ADAM32: variants seen among roughly 807,000 people sequenced by gnomAD.
ADAM32 encodes disintegrin and metalloproteinase domain-containing protein 32.
In ADAM32, 89 loss-of-function variants were observed where a neutral mutation model predicts 114.9. That is an observed-to-expected ratio of 0.77 (90% CI 0.65 to 0.92). The LOEUF is 0.92. Ranked by LOEUF, ADAM32 falls within the 40% of genes least tolerant of loss-of-function variation. ADAM32 has a pLI of 0.00. For missense variants in ADAM32, 870 were observed against 932.8 expected (o/e 0.93, Z 0.88); for synonymous variants, 285 against 307.5 (o/e 0.93, Z 0.77).
At chr8:39,271,995 G>C (rs191436333) in intron 20 of ADAM32, among the ~76,000 whole-genome samples, 1 of 150,650 alleles carries the variant, frequency 6.6e-6, no homozygotes, top group African/African-American at 2.4e-5. Flanking sequence ...AGCCAGGCAT[G>C]GTGGCATGAG....
intron 16 of ADAM32, among the ~76,000 whole-genome samples, chr8:39,243,196 G>C (rs184562075): frequency 1.3e-5 from 2 of 152,230 alleles, no homozygotes; most frequent in Admixed American, 1.3e-4. Context: ...CCTGAATTCT[G>C]TCAGAGATTA....
rs1423129549 is a variant in ADAM32 at position 39,186,978 on chromosome 8, A to T, written c.985A>T (p.Ile329Leu). Residue 329 changes from isoleucine to leucine, a missense_variant, in exon 11 of 25, where the codon ATA (isoleucine) becomes TTA (leucine). Transcript: ENST00000379907. ...VTQMLALSLGISYDDPKKCQC... is the reference protein window; with the variant it reads ...VTQMLALSLGLSYDDPKKCQC... ...CCAGATGCTGGCACTCAGTCTGGGA[A>T]TATCATATGACGACCCAAAGAAATG... The T allele has an allele frequency of 6.2e-7, 1 of 1,613,052 alleles. No individual in the cohort carries two copies. Among genetic ancestry groups the T allele is most frequent in the Admixed American group, 1.7e-5 (1 of 59,988 alleles).
At chr8:39,145,928 G>A (rs1053743881) in intron 3 of ADAM32, among the ~76,000 whole-genome samples, 2 of 151,844 alleles carry the variant, frequency 1.3e-5, no homozygotes, top group Non-Finnish European at 2.9e-5. Flanking sequence ...ATGAGGTTTC[G>A]CCTTGTTACC....
At chr8:39,245,239 G>A (rs1390916673) in intron 16 of ADAM32, among the ~76,000 whole-genome samples, 1 of 152,116 alleles carries the variant, frequency 6.6e-6, no homozygotes, top group Non-Finnish European at 1.5e-5. Flanking sequence ...TCACTCACAA[G>A]TGGGAGCTAA....
intron 3 of ADAM32, among the ~76,000 whole-genome samples, chr8:39,142,063 T>C (rs1369171976): frequency 1.4e-4 from 21 of 152,192 alleles, no homozygotes; most frequent in Admixed American, 1.4e-3. Flanking sequence ...TCTTCCTCCA[T>C]CCCTTTATTT....
At position 39,233,995 on chromosome 8, in the gene ADAM32, T is replaced by C; in HGVS notation, c.1731T>C (p.Ser577=). 1.3e-6 allele frequency: 2 copies of C among 1,572,198 alleles called. No homozygotes were observed. Among genetic ancestry groups the C allele is most frequent in the Non-Finnish European group, 1.7e-6 (2 of 1,156,682 alleles). ...TGATTTATGCTTTCGTACGAGATTC[T>C]GTATGCATAACTGTAGACTACAAAT... ...GDVIYAFVRD[S]VCITVDYKLP... Residue 577 remains serine, a synonymous_variant, in exon 16 of 25, where the codon TCT becomes TCC. Coordinates refer to ENST00000379907, the MANE Select transcript of ADAM32 (RefSeq NM_145004.7).
chr8:39,274,240 C>T (rs975909539), intron 20 of ADAM32, 72 bp from the exon 21 acceptor site: 1 of 1,427,358 alleles, frequency 7.0e-7, no homozygotes, highest in African/African-American at 1.4e-5. Flanking sequence ...ATAAAATGGC[C>T]TGATTTTCAT....
intron 17 of ADAM32, among the ~76,000 whole-genome samples, chr8:39,246,973 G>T (rs1486271974): frequency 6.6e-6 from 1 of 151,926 alleles, no homozygotes; most frequent in Non-Finnish European, 1.5e-5. Context: ...TTTCAGATTG[G>T]TTTCTTTCAC....
In ADAM32 at chr8:39,265,996, C is replaced by G. The variant is rs145892455; in HGVS notation, c.2163-4880C>G. Among the ~76,000 whole-genome samples, 61 of 152,324 alleles carry G rather than the reference C, an allele frequency of 4.0e-4. No homozygotes were observed. The East Asian group carries it at 0.01, about 26-fold the overall frequency. ...AGGATGCTGAATATAGGTCCCCAAT[C>G]TCTTCAGACTTGTAAGGTTTCTGCA... On this transcript the variant is annotated intron_variant, in intron 19 of 24. Coordinates refer to ENST00000379907, the MANE Select transcript of ADAM32 (RefSeq NM_145004.7).
intron 15 of ADAM32, 86 bp from the exon 16 acceptor site, chr8:39,233,813 T>A: frequency 1.1e-6 from 1 of 940,850 alleles, no homozygotes; most frequent in Non-Finnish European, 1.4e-6. Flanking sequence ...GGAAAACCAT[T>A]CTTTTTGCAT....
chr8:39,232,231 G>A (rs1158685702), intron 15 of ADAM32, 96 bp downstream of exon 15: 3 of 929,600 alleles, frequency 3.2e-6, no homozygotes, highest in Admixed American at 2.8e-5. Context: ...GTGGTTTAAA[G>A]TATTACATGT....
intron 10 of ADAM32, among the ~76,000 whole-genome samples, chr8:39,175,169 C>T (rs76006315): frequency 0.097 from 14,805 of 152,054 alleles, 993 homozygotes; most frequent in East Asian, 0.22. Context: ...TTTGAATTCC[C>T]TTTATTTTTT....
intron 1 of ADAM32, among the ~76,000 whole-genome samples, chr8:39,115,547 A>T (rs1296199147): frequency 2.7e-5 from 4 of 146,856 alleles, no homozygotes; most frequent in Non-Finnish European, 6.0e-5. Flanking sequence ...TGTATGTTTT[A>T]TTTTGAGAAG....
At chr8:39,164,125 C>T (rs1804685829) in intron 7 of ADAM32, among the ~76,000 whole-genome samples, 1 of 152,188 alleles carries the variant, frequency 6.6e-6, no homozygotes, top group South Asian at 2.1e-4. Flanking sequence ...CCTGTGTGAT[C>T]CCATTAGAGC....
intron 12 of ADAM32, among the ~76,000 whole-genome samples, chr8:39,213,238 T>C (rs1808347730): frequency 6.6e-6 from 1 of 152,150 alleles, no homozygotes; most frequent in African/African-American, 2.4e-5. Flanking sequence ...GGGGTACATG[T>C]TATATTTTGA....
chr8:39,283,520 A>C, intron 23 of ADAM32, 66 bp from the exon 24 acceptor site: 1 of 1,314,936 alleles, frequency 7.6e-7, no homozygotes, highest in Non-Finnish European at 1.0e-6. Context: ...ATAACAAATA[A>C]ATACAACATA....
intron 2 of ADAM32, among the ~76,000 whole-genome samples, chr8:39,129,694 A>T (rs949344989): frequency 1.3e-5 from 2 of 152,178 alleles, no homozygotes; most frequent in African/African-American, 4.8e-5. Flanking sequence ...CTCATAGACT[A>T]TATTTAGAAA....
intron 3 of ADAM32, among the ~76,000 whole-genome samples, chr8:39,142,686 G>A (rs568073275): frequency 9.2e-5 from 14 of 152,158 alleles, no homozygotes; most frequent in Non-Finnish European, 1.8e-4. Flanking sequence ...GTGTCTTGGG[G>A]TTGCTCTTCC....
intron 10 of ADAM32, among the ~76,000 whole-genome samples, chr8:39,184,151 C>T (rs190002327): frequency 2.0e-5 from 3 of 152,336 alleles, no homozygotes; most frequent in Non-Finnish European, 4.4e-5. Context: ...TTTGCTTTTG[C>T]ACCAGGCAAA....
Sources: allele counts gnomAD v4.1 joint callset (sites outside exome capture counted in the v4.1 genomes callset), GRCh38; gene constraint gnomAD v4.1.1; transcripts MANE v1.5; gene names NCBI Gene and HGNC (gene_info 2026-07-23, HGNC 2026-07-21).